Variants in CNTLN observed in about 807,000 individuals in gnomAD.
CNTLN encodes centlein, centrosomal protein.
A neutral mutation model predicts 180.0 loss-of-function variants in CNTLN; 212 were observed. The ratio of observed to expected loss-of-function variants is 1.18; its 90% confidence interval spans 1.05 to 1.32. The LOEUF (loss-of-function observed/expected upper bound fraction) is 1.32, where lower values mean the gene tolerates loss of function less well. Among genes scored for constraint, CNTLN ranks in the 40% most tolerant of loss-of-function variants. CNTLN has a pLI of 0.00. For missense variants in CNTLN, 2,095 were observed against 1,610.9 expected (o/e 1.30, Z -5.14); for synonymous variants, 722 against 563.1 (o/e 1.28, Z -3.99).
intron 2 of CNTLN, among the ~76,000 whole-genome samples, chr9:17,192,270 G>T (rs958320991): frequency 7.0e-6 from 1 of 142,514 alleles, no homozygotes; most frequent in Admixed American, 7.3e-5. Flanking sequence ...ATGGAGTCTC[G>T]TTCTGTCACC....
chr9:17,308,877 T>C (rs1039761110), intron 7 of CNTLN, among the ~76,000 whole-genome samples, 181 bp from the exon 8 acceptor site: 4 of 85,026 alleles, frequency 4.7e-5, no homozygotes, highest in African/African-American at 1.5e-4. Context: ...AACATATTAT[T>C]ATATAAATTA....
chr9:17,231,159 T>C (rs559730029), intron 3 of CNTLN, among the ~76,000 whole-genome samples: 1 of 152,130 alleles, frequency 6.6e-6, no homozygotes, highest in Non-Finnish European at 1.5e-5. Flanking sequence ...AAGTTCCTTA[T>C]ATGCTGGACT....
Position 17,299,623 on chromosome 9 carries a change from C to T in CNTLN, c.1146+1271C>T, listed in dbSNP as rs1818208824. ...CTAGATGATAGCAAGCAGGAAGATACAGTCTTCCACTTCAGCTAGAGCAGT... is the reference window on the plus strand; with the variant it reads ...CTAGATGATAGCAAGCAGGAAGATATAGTCTTCCACTTCAGCTAGAGCAGT... On this transcript the variant is annotated intron_variant, in intron 7 of 25. Transcript: ENST00000380647. 4.1e-6 allele frequency: 4 copies of T among 985,112 alleles called. No homozygotes were observed. The South Asian group carries it at 1.4e-4, about 35-fold the overall frequency. The allele number at this position is 985,112 out of a possible 1,614,324, so 61.0% of individuals were successfully genotyped here. A position where few individuals can be genotyped will look rare whatever the true frequency, so the allele number is the denominator to read the frequency against.
intron 18 of CNTLN, among the ~76,000 whole-genome samples, chr9:17,429,601 A>G (rs1278248104): frequency 6.6e-6 from 1 of 152,052 alleles, no homozygotes; most frequent in Non-Finnish European, 1.5e-5. Context: ...GAAATACAGA[A>G]TATCCATGAG....
intron 5 of CNTLN, among the ~76,000 whole-genome samples, chr9:17,263,055 A>G (rs1827126505): frequency 6.6e-6 from 1 of 151,130 alleles, no homozygotes; most frequent in South Asian, 2.1e-4. Flanking sequence ...TTTTATTATT[A>G]TTATACTTTA....
chr9:17,319,044 C>T (rs1236431226), intron 8 of CNTLN, among the ~76,000 whole-genome samples: 1 of 152,034 alleles, frequency 6.6e-6, no homozygotes, highest in Non-Finnish European at 1.5e-5. Context: ...AAGTATGAAA[C>T]AAATAGGAAC....
chr9:17,412,628 A>G (rs889530900), intron 16 of CNTLN, among the ~76,000 whole-genome samples: 1 of 152,200 alleles, frequency 6.6e-6, no homozygotes, highest in Non-Finnish European at 1.5e-5. Context: ...TTTGTGTTAG[A>G]TGATTTTGCC....
chr9:17,275,161 G>C (rs1028570165), intron 6 of CNTLN, among the ~76,000 whole-genome samples: 6 of 152,106 alleles, frequency 3.9e-5, no homozygotes, highest in African/African-American at 1.2e-4. Flanking sequence ...TTCCTAGTAA[G>C]ATTGCATAGC....
intron 2 of CNTLN, among the ~76,000 whole-genome samples, chr9:17,218,690 A>T (rs1471979791): frequency 6.6e-6 from 1 of 152,150 alleles, no homozygotes; most frequent in East Asian, 1.9e-4. Flanking sequence ...TTAGTCCAAT[A>T]AATAGCTTTA....
intron 8 of CNTLN, among the ~76,000 whole-genome samples, chr9:17,327,240 G>A (rs1346215805): frequency 1.4e-5 from 2 of 140,382 alleles, no homozygotes; most frequent in Non-Finnish European, 1.5e-5. Context: ...TTGAGATGGA[G>A]TCTCACTCTT....
intron 12 of CNTLN, among the ~76,000 whole-genome samples, chr9:17,343,747 C>A (rs1027844340): frequency 6.6e-6 from 1 of 152,052 alleles, no homozygotes; most frequent in Non-Finnish European, 1.5e-5. Flanking sequence ...CTGCACCGTC[C>A]ATTATCACAA....
chr9:17,212,928 A>T (rs899586816), intron 2 of CNTLN, among the ~76,000 whole-genome samples: 1 of 151,954 alleles, frequency 6.6e-6, no homozygotes, highest in African/African-American at 2.4e-5. Context: ...TATTGCGTCT[A>T]TTTGATTCTT....
chr9:17,282,617 T>C (rs963907773), intron 6 of CNTLN, among the ~76,000 whole-genome samples: 2 of 152,206 alleles, frequency 1.3e-5, no homozygotes, highest in African/African-American at 2.4e-5. Flanking sequence ...ATTTTTGCTT[T>C]TGTTACAATT....
chr9:17,321,027 T>G (rs1043257091), intron 8 of CNTLN, among the ~76,000 whole-genome samples: 5 of 152,200 alleles, frequency 3.3e-5, no homozygotes, highest in African/African-American at 1.2e-4. Flanking sequence ...AGCCTTTTGT[T>G]TTTCAAAACA....
chr9:17,422,011 C>G (rs184489851), intron 18 of CNTLN, among the ~76,000 whole-genome samples: 2 of 152,056 alleles, frequency 1.3e-5, no homozygotes, highest in East Asian at 3.9e-4. Context: ...TGATTTCTTA[C>G]TGCTTATCTA....
chr9:17,468,525 GATATAAA>G (rs1373467487), intron 23 of CNTLN, among the ~76,000 whole-genome samples: 16 of 151,442 alleles, frequency 1.1e-4, no homozygotes, highest in African/African-American at 3.9e-4. Flanking sequence ...TTTTGGCTAA[GATATAAA>G]ATATGAAATA....
At chr9:17,318,215 G>T (rs1223730698) in intron 8 of CNTLN, among the ~76,000 whole-genome samples, 1 of 151,864 alleles carries the variant, frequency 6.6e-6, no homozygotes, top group East Asian at 1.9e-4. Context: ...ATTTTTAGTA[G>T]AGATGGGGTT....
At chr9:17,154,057 A>T (rs1444702313) in intron 2 of CNTLN, among the ~76,000 whole-genome samples, 1 of 151,684 alleles carries the variant, frequency 6.6e-6, no homozygotes, top group African/African-American at 2.4e-5. Context: ...CATTTGACTG[A>T]CTCTTTTTCA....
At chr9:17,459,808 A>G (rs1831348751) in intron 19 of CNTLN, among the ~76,000 whole-genome samples, 1 of 151,730 alleles carries the variant, frequency 6.6e-6, no homozygotes, top group African/African-American at 2.4e-5. Context: ...ACTCAGACTG[A>G]ATTAGATTCC....
Sources: gnomAD v4.1 joint callset for allele counts (sites outside exome capture counted in the v4.1 genomes callset) on GRCh38, gnomAD v4.1.1 for gene constraint, MANE v1.5 for transcripts, NCBI Gene and HGNC (gene_info 2026-07-23, HGNC 2026-07-21) for gene names.